The following RABEP1 variants were observed in gnomAD, a reference collection of about 807,000 sequenced individuals.
RABEP1 encodes the protein rabaptin, RAB GTPase binding effector protein 1.
Under a neutral mutation model 123.4 loss-of-function variants are expected in RABEP1, and 51 were observed. The ratio of observed to expected loss-of-function variants is 0.41; its 90% CI spans 0.33 to 0.52. The LOEUF (loss-of-function observed/expected upper bound fraction) is 0.52, where lower values mean the gene tolerates loss of function less well. Ranked by LOEUF, RABEP1 falls within the 20% of genes least tolerant of loss-of-function variation. The pLI is 0.16. For synonymous variants in RABEP1, 347 were observed against 355.2 expected (o/e 0.98, Z 0.26); for missense variants, 888 against 996.3 (o/e 0.89, Z 1.46).
chr17:5,373,823 A>G (rs778905615), intron 13 of RABEP1, among the ~76,000 whole-genome samples: 2 of 152,010 alleles, frequency 1.3e-5, no homozygotes, highest in East Asian at 1.9e-4. Context: ...TTCTGCCTCT[A>G]TAGATTTCCC....
chr17:5,333,036 C>T (rs1744876917), intron 3 of RABEP1, among the ~76,000 whole-genome samples: 2 of 152,086 alleles, frequency 1.3e-5, no homozygotes, highest in Admixed American at 6.6e-5. Flanking sequence ...AAAGAAGAGA[C>T]GTAGTTTAGT....
chr17:5,349,648 G>A (rs933027273), intron 6 of RABEP1, among the ~76,000 whole-genome samples: 1 of 151,956 alleles, frequency 6.6e-6, no homozygotes, highest in African/African-American at 2.4e-5. Context: ...TTCCACCTTT[G>A]GCCTTTGGAG....
chr17:5,341,026 AAG>A lies in RABEP1; in HGVS notation c.648+2890_648+2891del, dbSNP rs1907559190. On this transcript the variant is annotated intron_variant, in intron 5 of 17. Coordinates refer to ENST00000537505, the MANE Select transcript of RABEP1 (RefSeq NM_004703.6). ...AGGAATTTGTGAAATAGAAAAGCAA[AAG>A]AACAATAGAGACTATCAATATAATG... Among the ~76,000 whole-genome samples, 11 of 152,212 alleles carry A rather than the reference AAG, an allele frequency of 7.2e-5. No individual in the cohort carries two copies. In the South Asian group the frequency reaches 2.3e-3, roughly 32 times the overall value.
intron 2 of RABEP1, among the ~76,000 whole-genome samples, chr17:5,330,236 C>T (rs185083559): frequency 1.3e-5 from 2 of 152,292 alleles, no homozygotes; most frequent in East Asian, 3.9e-4. Flanking sequence ...CCACAACTTC[C>T]CAGGTGTCTG....
At position 5,332,124 on chromosome 17, in the gene RABEP1, AG is replaced by A; in HGVS notation, c.340del (p.Val114LeufsTer8). 6.2e-7 allele frequency: 1 copy of A among 1,614,126 alleles called. No individual in the cohort carries two copies. Among genetic ancestry groups the A allele is most frequent in the Non-Finnish European group, 8.5e-7 (1 of 1,180,026 alleles). ...DEVKRQWREE[V>X]ASLQAVMKET... is the part of the protein sequence containing the mutation. ...AAGTGAAAAGACAGTGGAGAGAAGAAGTTGCTTCACTTCAGGCTGTTATGAA... is the reference window on the plus strand; with the variant it reads ...AAGTGAAAAGACAGTGGAGAGAAGAATTGCTTCACTTCAGGCTGTTATGAA... On this transcript the variant is annotated frameshift_variant, in exon 3 of 18. Transcript: ENST00000537505. LOFTEE classifies it high-confidence loss of function.
chr17:5,378,581 A>G (rs1261059124), intron 15 of RABEP1: 1 of 320,936 alleles, frequency 3.1e-6, no homozygotes, highest in African/African-American at 2.2e-5. Context: ...GACATTTTCT[A>G]GCTGGCTTAG....
chr17:5,322,945 G>A (rs1168696171), intron 2 of RABEP1, among the ~76,000 whole-genome samples: 1 of 152,092 alleles, frequency 6.6e-6, no homozygotes, highest in Non-Finnish European at 1.5e-5. Context: ...GCATGGTGGT[G>A]CACACCTGCA....
chr17:5,372,793 G>A (rs1376162388), intron 12 of RABEP1, among the ~76,000 whole-genome samples: 1 of 150,742 alleles, frequency 6.6e-6, no homozygotes, highest in Non-Finnish European at 1.5e-5. Context: ...GTCTTGCTCT[G>A]TGGCCCAGGA....
chr17:5,369,299 C>T (rs1390273104), intron 12 of RABEP1, among the ~76,000 whole-genome samples: 1 of 152,166 alleles, frequency 6.6e-6, no homozygotes, highest in South Asian at 2.1e-4. Context: ...ACTAGTCTGG[C>T]TGCATTTGCT....
intron 13 of RABEP1, among the ~76,000 whole-genome samples, chr17:5,375,760 A>C (rs16954568): frequency 0.12 from 17,905 of 152,108 alleles, 1,187 homozygotes; most frequent in South Asian, 0.2. Flanking sequence ...TCAGCTTAAA[A>C]TCACTGTTTA....
chr17:5,303,103 A>G (rs2075150261), intron 1 of RABEP1, among the ~76,000 whole-genome samples: 3 of 152,012 alleles, frequency 2.0e-5, no homozygotes, highest in Admixed American at 1.3e-4. Context: ...CTTTTTTTCT[A>G]TATAATTTTT....
intron 5 of RABEP1, among the ~76,000 whole-genome samples, chr17:5,345,163 G>A (rs1368892166): frequency 6.6e-6 from 1 of 151,842 alleles, no homozygotes; most frequent in East Asian, 1.9e-4. Flanking sequence ...TGCATTCACC[G>A]ACTACTGGTG....
intron 11 of RABEP1, among the ~76,000 whole-genome samples, chr17:5,366,894 A>G (rs1205267781): frequency 6.6e-6 from 1 of 151,558 alleles, no homozygotes; most frequent in East Asian, 2.0e-4. Context: ...GTTTGAGACC[A>G]GCCTGACCAA....
At chr17:5,336,389 G>A in intron 4 of RABEP1, 1 of 441,916 alleles carries the variant, frequency 2.3e-6, no homozygotes, top group South Asian at 1.7e-5. Flanking sequence ...ATTTGTCACA[G>A]CTAATAAGCC....
intron 8 of RABEP1, among the ~76,000 whole-genome samples, chr17:5,360,772 C>G (rs1010470343): frequency 1.3e-5 from 2 of 152,114 alleles, no homozygotes; most frequent in Non-Finnish European, 2.9e-5. Context: ...ACTTCTGTGT[C>G]CCTCTGTCAA....
chr17:5,304,308 G>T (rs2075161783), intron 1 of RABEP1, among the ~76,000 whole-genome samples: 1 of 152,072 alleles, frequency 6.6e-6, no homozygotes, highest in Non-Finnish European at 1.5e-5. Context: ...GGCTGGATGT[G>T]GTGGCTCACA....
rs183524441 is a variant in RABEP1, at chr17:5,366,016, T to A, written c.1785+778T>A. ...GCGTGGTGGACATGTTTCTGCAGGA[T>A]ATGTAACTAGGGGTGGAATGCTTGG... On this transcript the variant is annotated intron_variant, in intron 11 of 17. Coordinates refer to ENST00000537505, the MANE Select transcript of RABEP1 (RefSeq NM_004703.6). Among the ~76,000 whole-genome samples, 506 of 152,318 alleles carry A rather than the reference T, an allele frequency of 3.3e-3. 2 individuals carry two copies. The highest frequency in any genetic ancestry group is 0.012 in the African/African-American group (483 of 41,562).
At chr17:5,358,890 A>G (rs1909254688) in intron 8 of RABEP1, among the ~76,000 whole-genome samples, 1 of 151,868 alleles carries the variant, frequency 6.6e-6, no homozygotes, top group Non-Finnish European at 1.5e-5. Context: ...CCTCCTGAGT[A>G]GCTGAGACTA....
intron 9 of RABEP1, among the ~76,000 whole-genome samples, chr17:5,362,622 T>C (rs1370672668): frequency 6.6e-6 from 1 of 152,252 alleles, no homozygotes; most frequent in Non-Finnish European, 1.5e-5. Context: ...TTTAGTATTA[T>C]ACCATGAGTG....
Sources: allele counts gnomAD v4.1 joint callset (sites outside exome capture counted in the v4.1 genomes callset), GRCh38; gene constraint gnomAD v4.1.1; transcripts MANE v1.5; gene names NCBI Gene and HGNC (gene_info 2026-07-23, HGNC 2026-07-21).